The following DHX57 variants were observed in gnomAD, a reference collection of about 807,000 sequenced individuals.
DHX57 encodes the protein putative ATP-dependent RNA helicase DHX57.
DHX57 carries 105 observed loss-of-function variants against 156.2 expected under a neutral mutation model. The observed-to-expected ratio is 0.67, with a 90% CI of 0.57 to 0.79. The LOEUF is 0.79. DHX57 is among the 30% of genes least tolerant of loss of function. DHX57 has a pLI of 0.00. For synonymous variants in DHX57, 704 were observed against 595.6 expected, an observed-to-expected ratio of 1.18 and a Z score of -2.65; for missense variants, 1,847 against 1,661.9, an observed-to-expected ratio of 1.11 and a Z score of -1.94.
rs1469131618 is a variant in DHX57, at chr2:38,842,859, T to C, written c.2425+146A>G. 7 of 806,674 alleles carry C rather than the reference T, an allele frequency of 8.7e-6. No individual in the cohort carries two copies. In the East Asian group the frequency reaches 1.9e-4, roughly 22 times the overall value. 50.0% of individuals were successfully genotyped at this position (806,674 alleles called of 1,614,324 possible). Reference sequence around the variant, plus strand: ...GTATTCTAAATATGTATCTGAACTATTTTTCTAGGTTTAAGGTTGCTCTGA... The same window carrying C: ...GTATTCTAAATATGTATCTGAACTACTTTTCTAGGTTTAAGGTTGCTCTGA... On this transcript the variant is annotated intron_variant, in intron 12 of 23. Transcript: ENST00000457308.
At chr2:38,869,954 A>G (rs1665276820) in intron 1 of DHX57, among the ~76,000 whole-genome samples, 1 of 152,252 alleles carries the variant, frequency 6.6e-6, no homozygotes, top group South Asian at 2.1e-4. Flanking sequence ...GCAGTAAAGG[A>G]AGGTATGATG....
At chr2:38,822,142 T>C (rs1405264731) in intron 17 of DHX57, among the ~76,000 whole-genome samples, 1 of 152,140 alleles carries the variant, frequency 6.6e-6, no homozygotes, top group Non-Finnish European at 1.5e-5. Flanking sequence ...TGGAGTGCAA[T>C]GGCGCGACTG....
chr2:38,798,430 C>G lies in DHX57; in HGVS notation c.4030G>C (p.Val1344Leu). The G allele has an allele frequency of 1.2e-6, 2 of 1,610,466 alleles. No individual in the cohort carries two copies. The highest frequency in any genetic ancestry group is 1.1e-5 in the South Asian group (1 of 90,418). The change falls in exon 24 of 24, where the codon GTA (valine) becomes CTA (leucine). Residue 1344 changes from valine to leucine, a missense_variant. Physicochemically the swap from Val to Leu is conservative, Grantham distance 32. Transcript: ENST00000457308. Reference sequence around the variant, plus strand: ...TCAAGTTCGCAACGAAGCTCCTTTACCAGTTCAGCCACCTAAAATGAAAGC... The same window carrying G: ...TCAAGTTCGCAACGAAGCTCCTTTAGCAGTTCAGCCACCTAAAATGAAAGC... ...VAASHQVAEL[V>L]KELRCELDQL...
intron 12 of DHX57, among the ~76,000 whole-genome samples, chr2:38,841,789 T>C (rs1309212222): frequency 6.6e-6 from 1 of 152,056 alleles, no homozygotes; most frequent in Non-Finnish European, 1.5e-5. Context: ...ATGGGCTCAG[T>C]TTAGCTTATA....
chr2:38,831,747 C>G (rs1482979146), intron 13 of DHX57, among the ~76,000 whole-genome samples: 2 of 151,470 alleles, frequency 1.3e-5, no homozygotes, highest in East Asian at 2.0e-4. Context: ...ATCCCAGCTA[C>G]TCGGGAGGCT....
chr2:38,818,822 CTCTGGTGAGCT>C, intron 19 of DHX57, 44 bp downstream of exon 19: 1 of 1,585,144 alleles, frequency 6.3e-7, no homozygotes, highest in Non-Finnish European at 8.7e-7. Context: ...TCGCAGCACC[CTCTGGTGAGCT>C]ACTCTAATAA....
Position 38,819,146 on chromosome 2 carries a change from T to G in DHX57, c.3292-2A>C. On this transcript the variant is annotated splice_acceptor_variant, in intron 17 of 23. Transcript: ENST00000457308. LOFTEE classifies it high-confidence loss of function. ...TTCTTTTTTATCCCAGGGAGATACC[T>G]AAAGGAGAGAGGAAAATCAGATTTA... 1 of 1,611,776 alleles carries G rather than the reference T, an allele frequency of 6.2e-7. No homozygotes were observed. Among genetic ancestry groups the G allele is most frequent in the Admixed American group, 1.7e-5 (1 of 59,768 alleles).
intron 2 of DHX57, among the ~76,000 whole-genome samples, chr2:38,867,650 C>CT (rs1323691253): frequency 6.6e-6 from 1 of 152,256 alleles, no homozygotes; most frequent in African/African-American, 2.4e-5. Flanking sequence ...CTTCTGCCTC[C>CT]TGGGTTCAAG....
intron 2 of DHX57, among the ~76,000 whole-genome samples, chr2:38,863,756 T>C (rs1459103731): frequency 6.6e-6 from 1 of 152,228 alleles, no homozygotes; most frequent in Non-Finnish European, 1.5e-5. Flanking sequence ...CTCACGCCTG[T>C]AATCCTGGCA....
At chr2:38,808,672 G>C (rs1670079462) in intron 21 of DHX57, among the ~76,000 whole-genome samples, 1 of 152,132 alleles carries the variant, frequency 6.6e-6, no homozygotes, top group African/African-American at 2.4e-5. Context: ...TATCTAGAAA[G>C]GGGGTATAAA....
intron 19 of DHX57, 99 bp from the exon 20 acceptor site, chr2:38,815,754 G>T: frequency 6.9e-7 from 1 of 1,442,754 alleles, no homozygotes; most frequent in Non-Finnish European, 9.5e-7. Flanking sequence ...ATTTCAGGGG[G>T]TAGCAATGAG....
chr2:38,872,274 T>C (rs1665392200), intron 1 of DHX57, among the ~76,000 whole-genome samples: 1 of 152,136 alleles, frequency 6.6e-6, no homozygotes, highest in South Asian at 2.1e-4. Context: ...AATATTCACT[T>C]AATGACTAAA....
chr2:38,827,551 TACACATACACACACAC>T lies in DHX57; in HGVS notation c.2639+773_2639+788del, dbSNP rs1336145937. On this transcript the variant is annotated intron_variant, in intron 14 of 23. Transcript: ENST00000457308. ...ATATATATACACACATACATATATA[TACACATACACACACAC>T]ACACATACATACACACACACAGAGA... is the stretch of plus-strand genomic sequence containing the variant. Among the ~76,000 whole-genome samples the T allele has an allele frequency of 1.6e-4, 20 of 124,918 alleles. No individual in the cohort carries two copies. In the East Asian group the frequency reaches 1.7e-3, roughly 11 times the overall value. 82.0% of individuals were successfully genotyped at this position (124,918 alleles called of 152,430 possible).
At chr2:38,861,983 A>G in intron 4 of DHX57, 146 bp from the exon 5 acceptor site, 1 of 1,220,378 alleles carries the variant, frequency 8.2e-7, no homozygotes. Context: ...GATAACAATA[A>G]GCCCCCCTGA....
At chr2:38,816,653 G>A (rs1670561542) in intron 19 of DHX57, among the ~76,000 whole-genome samples, 1 of 152,188 alleles carries the variant, frequency 6.6e-6, no homozygotes. Context: ...AATCATTCAA[G>A]GAACTGAAAG....
chr2:38,846,086 G>C (rs967818241), intron 11 of DHX57, among the ~76,000 whole-genome samples: 1 of 152,006 alleles, frequency 6.6e-6, no homozygotes, highest in Non-Finnish European at 1.5e-5. Flanking sequence ...AGCTGGTCTT[G>C]AACTCCCGCC....
chr2:38,860,968 C>A (rs768656550), intron 5 of DHX57, 31 bp downstream of exon 5: 1 of 1,573,600 alleles, frequency 6.4e-7, no homozygotes, highest in Non-Finnish European at 8.7e-7. Flanking sequence ...ATTCTGAATG[C>A]CTCCCTCCAC....
intron 17 of DHX57, among the ~76,000 whole-genome samples, chr2:38,820,851 T>TA (rs1039674010): frequency 1.5e-5 from 2 of 133,316 alleles, no homozygotes; most frequent in Non-Finnish European, 3.2e-5. Flanking sequence ...AAAGGACCAG[T>TA]AAAAAAAGAT....
At chr2:38,838,036 T>C in intron 12 of DHX57, 89 bp from the exon 13 acceptor site, 1 of 814,216 alleles carries the variant, frequency 1.2e-6, no homozygotes, top group South Asian at 1.6e-5. Context: ...AATATGCCTG[T>C]GAATTAGGTG....
Sources: allele counts gnomAD v4.1 joint callset (sites outside exome capture counted in the v4.1 genomes callset), GRCh38; gene constraint gnomAD v4.1.1; transcripts MANE v1.5; gene names NCBI Gene and HGNC (gene_info 2026-07-23, HGNC 2026-07-21).